ZER1: variants seen among roughly 807,000 people sequenced by gnomAD.
The protein encoded by ZER1 is zyg-11 related cell cycle regulator.
A neutral mutation model predicts 78.8 loss-of-function variants in ZER1; 11 were observed. That is an observed-to-expected ratio of 0.14 (90% CI 0.09 to 0.23). The LOEUF (loss-of-function observed/expected upper bound fraction) is 0.23. Ranked by LOEUF, ZER1 falls within the 10% of genes least tolerant of loss-of-function variation. ZER1 has a pLI of 1.00. For missense variants in ZER1, 588 were observed against 996.9 expected (o/e 0.59, Z 5.52); for synonymous variants, 400 against 407.0 (o/e 0.98, Z 0.21).
chr9:128,739,744 C>T (rs747711384), intron 13 of ZER1, among the ~76,000 whole-genome samples, 187 bp downstream of exon 13: 7 of 152,038 alleles, frequency 4.6e-5, no homozygotes, highest in African/African-American at 9.7e-5. Context: ...CCAGGCTGCA[C>T]GGATGAGATC....
At chr9:128,734,110 A>G (rs1231173420) in intron 14 of ZER1, among the ~76,000 whole-genome samples, 1 of 69,228 alleles carries the variant, frequency 1.4e-5, no homozygotes, top group African/African-American at 4.9e-5. Flanking sequence ...CCTGGGCGAC[A>G]GAGCAAAACT....
chr9:128,739,973 A>T lies in ZER1; in HGVS notation c.2000T>A (p.Ile667Asn). Residue 667 changes from isoleucine to asparagine, a missense_variant, in exon 13 of 16, where the codon ATC becomes AAC. Ile to Asn is a moderately radical substitution (Grantham distance 149, BLOSUM62 -3). Around this residue, in one of 3 missense-constraint regions of ZER1, gnomAD observed 122 missense variants for 173.5 expected, o/e 0.70. Coordinates refer to ENST00000291900, the MANE Select transcript of ZER1 (RefSeq NM_006336.4). ...CCGAGAGTTTATGTCCCAGCTCTGG[A>T]TGGCAGCCCACATGCGTTCCTCCAC... ...EEVEERMWAAIQSWDINSRRN... is the reference protein window; with the variant it reads ...EEVEERMWAANQSWDINSRRN... 6.2e-7 allele frequency: 1 copy of T among 1,613,208 alleles called. No homozygotes were observed. The highest frequency in any genetic ancestry group is 8.5e-7 in the Non-Finnish European group (1 of 1,179,338).
At chr9:128,762,242 A>C (rs1367554705) in intron 1 of ZER1, among the ~76,000 whole-genome samples, 1 of 151,494 alleles carries the variant, frequency 6.6e-6, no homozygotes, top group Non-Finnish European at 1.5e-5. Flanking sequence ...AGGGTTCTGG[A>C]GTTCTGGGGC....
intron 1 of ZER1, among the ~76,000 whole-genome samples, chr9:128,763,764 G>C (rs1864120394): frequency 6.6e-6 from 1 of 152,162 alleles, no homozygotes; most frequent in Non-Finnish European, 1.5e-5. Flanking sequence ...GAGGTAGGTG[G>C]ATCACCTGAG....
intron 8 of ZER1, among the ~76,000 whole-genome samples, chr9:128,743,400 G>A (rs1458717608): frequency 6.6e-6 from 1 of 152,074 alleles, no homozygotes; most frequent in African/African-American, 2.4e-5. Flanking sequence ...ACAGGTGTGA[G>A]CCACTGCGCC....
Position 128,732,095 on chromosome 9 carries a change from G to C in ZER1, c.2244-701C>G, listed in dbSNP as rs1862847472. On this transcript the variant is annotated intron_variant, in intron 15 of 15. Coordinates refer to ENST00000291900, the MANE Select transcript of ZER1 (RefSeq NM_006336.4). This position sits in a 1 kb window ranked among gnomAD's most constrained non-coding sequence, Gnocchi z 4.8. ...ATACCTTTTAGGAAACAAATACCCAGAGTGGGAGAGAGGTCAGTGGACAGG... is the reference window on the plus strand; with the variant it reads ...ATACCTTTTAGGAAACAAATACCCACAGTGGGAGAGAGGTCAGTGGACAGG... 6.6e-6 allele frequency among the ~76,000 whole-genome samples: 1 copy of C among 152,230 alleles called. No homozygotes were observed. The highest frequency in any genetic ancestry group is 2.1e-4 in the South Asian group (1 of 4,836).
rs199762239 is a variant in ZER1, at chr9:128,750,668, C to T, written c.1307G>A (p.Arg436Gln). ...YRSEQSVKLR[R>Q]QVIQVVLNGM... is the part of the protein sequence containing the mutation. The stretch of plus-strand genomic sequence containing the variant: ...ATTCAGCACCACCTGGATAACCTGC[C>T]GGCGCAGCTTCACACTCTGCTCTGA... The change falls in exon 8 of 16, where the codon CGG (arginine) becomes CAG (glutamine). Residue 436 changes from arginine to glutamine, a missense_variant. By Grantham distance (43) the Arg-to-Gln change is conservative (BLOSUM62 1). Transcript: ENST00000291900. 3.5e-5 allele frequency: 56 copies of T among 1,614,064 alleles called. No individual in the cohort carries two copies. Among genetic ancestry groups the T allele is most frequent in the Admixed American group, 3.3e-5 (2 of 60,006 alleles).
At chr9:128,744,080 G>T (rs535404717) in intron 8 of ZER1, among the ~76,000 whole-genome samples, 1 of 151,946 alleles carries the variant, frequency 6.6e-6, no homozygotes, top group East Asian at 1.9e-4. Flanking sequence ...TGTATTTTTA[G>T]TAGAGATGGG....
rs1863719357 is a variant in ZER1 at position 128,752,697 on chromosome 9, A to G, written c.899T>C (p.Met300Thr). 6.2e-7 allele frequency: 1 copy of G among 1,613,672 alleles called. No homozygotes were observed. Among genetic ancestry groups the G allele is most frequent in the Non-Finnish European group, 8.5e-7 (1 of 1,179,802 alleles). Reference sequence around the variant, plus strand: ...CCTGGTCTGCCCCGCTTCCTCTTCCATCTTGGAGATGCTGCAGTTCTCTAG... The same window carrying G: ...CCTGGTCTGCCCCGCTTCCTCTTCCGTCTTGGAGATGCTGCAGTTCTCTAG... ...MILENCSISK[M>T]EEEAGQTSIE... The change falls in exon 5 of 16, where the codon ATG becomes ACG. Residue 300 changes from methionine (M) to threonine (T), a missense_variant. Physicochemically the swap from Met to Thr is moderately conservative, Grantham distance 81. Coordinates refer to ENST00000291900, the MANE Select transcript of ZER1 (RefSeq NM_006336.4).
Position 128,742,743 on chromosome 9 carries a change from C to T in ZER1, c.1362G>A (p.Val454=). The change falls in exon 9 of 16, where the codon GTG becomes GTA. Residue 454 remains valine, a splice_region_variant and synonymous_variant. Coordinates refer to ENST00000291900, the MANE Select transcript of ZER1 (RefSeq NM_006336.4). The part of the protein sequence containing the change: ...NGMESYQEVT[V]QRNCCLTLCN... ...AGAGCGTCAGGCAGCAGTTCCGCTG[C>T]ACCTGGGCCGGGACAGGACACAAGT... 3 of 1,605,366 alleles carry T rather than the reference C, an allele frequency of 1.9e-6. No individual in the cohort carries two copies. Among genetic ancestry groups the T allele is most frequent in the African/African-American group, 1.3e-5 (1 of 74,854 alleles).
intron 8 of ZER1, among the ~76,000 whole-genome samples, chr9:128,743,374 C>T (rs913594496): frequency 3.3e-5 from 5 of 152,114 alleles, no homozygotes; most frequent in Admixed American, 1.3e-4. Flanking sequence ...CCTTGGCCTC[C>T]CAAAGTGTTG....
chr9:128,763,538 G>A (rs937805450), intron 1 of ZER1, among the ~76,000 whole-genome samples: 2 of 152,246 alleles, frequency 1.3e-5, no homozygotes, highest in Admixed American at 1.3e-4. Context: ...CACATGGAGC[G>A]TACTGGCTCC....
rs1862869296 is a variant in ZER1, at chr9:128,732,612, C to T, written c.2243+814G>A. On this transcript the variant is annotated intron_variant, in intron 15 of 15. Transcript: ENST00000291900. The surrounding 1 kb of genome is among the most constrained non-coding windows in gnomAD (Gnocchi z 4.8). ...AACTCCTGACCTCAAGTGATGCACC[C>T]ACCTCAGCCTCCCAAAGTGCTAGGA... 6.6e-6 allele frequency among the ~76,000 whole-genome samples: 1 copy of T among 152,140 alleles called. No homozygotes were observed. The highest frequency in any genetic ancestry group is 1.5e-5 in the Non-Finnish European group (1 of 68,028).
chr9:128,752,971 C>A, intron 4 of ZER1, 122 bp from the exon 5 acceptor site: 1 of 1,364,858 alleles, frequency 7.3e-7, no homozygotes, highest in Non-Finnish European at 1.0e-6. Context: ...TTCCCCAGGG[C>A]ATTCTGGGAA....
chr9:128,755,290 C>G lies in ZER1; in HGVS notation c.158+118G>C, dbSNP rs1267887326. 3 of 1,411,224 alleles carry G rather than the reference C, an allele frequency of 2.1e-6. No individual in the cohort carries two copies. The highest frequency in any genetic ancestry group is 2.9e-6 in the Non-Finnish European group (3 of 1,017,054). The allele number at this position is 1,411,224 out of a possible 1,614,324, so 87.4% of individuals were successfully genotyped here. ...CCATGAACATCCATGTGCACACACA[C>G]ACACCCTCACACATTCATCTCCATA... On this transcript the variant is annotated intron_variant, in intron 2 of 15. Transcript: ENST00000291900. The surrounding 1 kb of genome is among the most constrained non-coding windows in gnomAD (Gnocchi z 5.6).
Position 128,751,476 on chromosome 9 carries a change from C to G in ZER1, c.975G>C (p.Pro325=), listed in dbSNP as rs140497395. ...TCTCAAAGAGCCCGAGGAACTGCAG[C>G]GGCCTCTTCAGAGCCCGGAAAGGTA... ...SIIPFRALKR[P]LQFLGLFENS... Residue 325 remains proline, a synonymous_variant, in exon 6 of 16, where the codon CCG becomes CCC. Coordinates refer to ENST00000291900, the MANE Select transcript of ZER1 (RefSeq NM_006336.4). This position sits in a 1 kb window ranked among gnomAD's most constrained non-coding sequence, Gnocchi z 5.4. 6.2e-6 allele frequency: 10 copies of G among 1,614,062 alleles called. No homozygotes were observed. The East Asian group carries it at 2.2e-4, about 36-fold the overall frequency.
At chr9:128,752,207 T>C (rs1472319528) in intron 5 of ZER1, among the ~76,000 whole-genome samples, 1 of 152,068 alleles carries the variant, frequency 6.6e-6, no homozygotes, top group East Asian at 1.9e-4. Flanking sequence ...CCATAGCCCT[T>C]GTAATGACTT....
At chr9:128,741,423 C>T (rs1433982271) in intron 11 of ZER1, 112 bp downstream of exon 11, 1 of 1,516,020 alleles carries the variant, frequency 6.6e-7, no homozygotes, top group Non-Finnish European at 9.0e-7. Context: ...CTGCCCTTCT[C>T]CAGGAAGCAT....
Position 128,755,795 on chromosome 9 carries a change from T to C in ZER1, c.-94-136A>G. On this transcript the variant is annotated intron_variant, in intron 1 of 15. Transcript: ENST00000291900. This position sits in a 1 kb window ranked among gnomAD's most constrained non-coding sequence, Gnocchi z 5.6. ...TTAGCAGGGCCAGGCCCAGGTCTCC[T>C]GACTCCTTCTTTCACCCGCCTCTGC... 1 of 573,436 alleles carries C rather than the reference T, an allele frequency of 1.7e-6. No homozygotes were observed. Among genetic ancestry groups the C allele is most frequent in the South Asian group, 2.5e-5 (1 of 39,452 alleles). The allele number at this position is 573,436 out of a possible 1,614,324, so 35.5% of individuals were successfully genotyped here.
Sources: allele counts gnomAD v4.1 joint callset (sites outside exome capture counted in the v4.1 genomes callset), GRCh38; gene constraint gnomAD v4.1.1; regional missense constraint gnomAD v4.1.1; non-coding constraint Gnocchi (gnomAD v3.1); transcripts MANE v1.5; gene names NCBI Gene and HGNC (gene_info 2026-07-23, HGNC 2026-07-21).